The following SLC20A2 variants were observed in gnomAD, a reference collection of about 807,000 sequenced individuals.
SLC20A2 encodes the protein solute carrier family 20 member 2, also known as sodium-dependent phosphate transporter 2.
In SLC20A2, 30 loss-of-function variants were observed where a neutral mutation model predicts 61.0. That is an observed-to-expected ratio of 0.49 (90% CI 0.37 to 0.67). SLC20A2 has a LOEUF of 0.67. SLC20A2 is among the 30% of genes least tolerant of loss of function. The pLI is 0.00. For missense variants in SLC20A2, 626 were observed against 866.4 expected (o/e 0.72, Z 3.48); for synonymous variants, 351 against 353.3 (o/e 0.99, Z 0.07).
intron 5 of SLC20A2, among the ~76,000 whole-genome samples, chr8:42,457,217 C>T (rs1376360863): frequency 6.6e-6 from 1 of 151,992 alleles, no homozygotes; most frequent in Non-Finnish European, 1.5e-5. Flanking sequence ...TGTGAGCCAC[C>T]GCGCCCAGCC....
At chr8:42,475,923 G>A (rs909970977) in intron 1 of SLC20A2, among the ~76,000 whole-genome samples, 1 of 151,932 alleles carries the variant, frequency 6.6e-6, no homozygotes, top group South Asian at 2.1e-4. Context: ...ATTAAACATG[G>A]GGGTGGAGAG....
chr8:42,431,472 C>T (rs1803864813), intron 8 of SLC20A2, among the ~76,000 whole-genome samples: 1 of 152,218 alleles, frequency 6.6e-6, no homozygotes, highest in South Asian at 2.1e-4. Flanking sequence ...AAGCCATCCT[C>T]ATAGCATAAA....
chr8:42,485,434 G>C (rs1431125468), intron 1 of SLC20A2, among the ~76,000 whole-genome samples: 1 of 151,808 alleles, frequency 6.6e-6, no homozygotes, highest in Non-Finnish European at 1.5e-5. Context: ...CTGAGGTCAG[G>C]AGTTCGAGAC....
At chr8:42,443,963 C>T (rs937355061) in intron 6 of SLC20A2, among the ~76,000 whole-genome samples, 1 of 152,220 alleles carries the variant, frequency 6.6e-6, no homozygotes, top group Non-Finnish European at 1.5e-5. Context: ...GTCAGGTCCC[C>T]AGCAGTTCAT....
chr8:42,469,882 C>G (rs1232290995), intron 2 of SLC20A2, among the ~76,000 whole-genome samples: 1 of 148,350 alleles, frequency 6.7e-6, no homozygotes, highest in Non-Finnish European at 1.5e-5. Flanking sequence ...GAGCCGAGAT[C>G]ACACCACTGC....
intron 10 of SLC20A2, among the ~76,000 whole-genome samples, chr8:42,425,436 A>G (rs908751217): frequency 6.6e-6 from 1 of 152,192 alleles, no homozygotes; most frequent in Non-Finnish European, 1.5e-5. Flanking sequence ...ATATGAGAGA[A>G]TAAGTGTTAT....
intron 1 of SLC20A2, among the ~76,000 whole-genome samples, chr8:42,524,606 T>C (rs1811800483): frequency 6.6e-6 from 1 of 151,914 alleles, no homozygotes; most frequent in African/African-American, 2.4e-5. Context: ...GCCAACATGG[T>C]GAAACCCTGT....
At chr8:42,474,289 A>G (rs1206584788) in intron 1 of SLC20A2, among the ~76,000 whole-genome samples, 1 of 152,236 alleles carries the variant, frequency 6.6e-6, no homozygotes, top group Non-Finnish European at 1.5e-5. Context: ...CAAACTGTAT[A>G]CTGTGGTTAC....
chr8:42,463,160 A>G, intron 3 of SLC20A2, 70 bp from the exon 4 acceptor site: 1 of 840,598 alleles, frequency 1.2e-6, no homozygotes, highest in Non-Finnish European at 1.9e-6. Context: ...TTCATAGAAC[A>G]CAATGATAAA....
At chr8:42,451,805 G>C (rs1267934403) in intron 5 of SLC20A2, among the ~76,000 whole-genome samples, 1 of 141,732 alleles carries the variant, frequency 7.1e-6, no homozygotes, top group Non-Finnish European at 1.5e-5. Flanking sequence ...AGGAGGAAGA[G>C]ATGGAGGAGG....
chr8:42,516,786 A>T (rs1369608107), intron 1 of SLC20A2, among the ~76,000 whole-genome samples: 1 of 152,176 alleles, frequency 6.6e-6, no homozygotes, highest in Non-Finnish European at 1.5e-5. Flanking sequence ...GTCTCACCTA[A>T]ACTGTGGTTC....
At chr8:42,498,422 C>G (rs1810084956) in intron 1 of SLC20A2, among the ~76,000 whole-genome samples, 1 of 152,190 alleles carries the variant, frequency 6.6e-6, no homozygotes, top group Non-Finnish European at 1.5e-5. Flanking sequence ...CCCCACTCAT[C>G]TTGTTTCCCT....
chr8:42,424,111 C>T (rs1203733118), intron 10 of SLC20A2, among the ~76,000 whole-genome samples: 1 of 152,148 alleles, frequency 6.6e-6, no homozygotes, highest in Non-Finnish European at 1.5e-5. Flanking sequence ...AAACATTCTG[C>T]AGAATATGAC....
In SLC20A2 at chr8:42,463,086, A is replaced by G. The variant is rs1322474171; in HGVS notation, c.435T>C (p.Ala145=). The change falls in exon 4 of 11, where the codon GCT becomes GCC. Residue 145 remains alanine, a synonymous_variant. Coordinates refer to ENST00000520262, the MANE Select transcript of SLC20A2 (RefSeq NM_001257180.2). ...ACAACAGTGGAGATATAAACCAAGA[A>G]GCAACTGAATAATTAAAAAAAAAAT... ...VQWMELVKIV[A]SWFISPLLSG... 4.4e-6 allele frequency: 7 copies of G among 1,576,640 alleles called. No homozygotes were observed. Among genetic ancestry groups the G allele is most frequent in the Non-Finnish European group, 1.7e-6 (2 of 1,157,330 alleles).
chr8:42,493,235 A>AG, intron 1 of SLC20A2, among the ~76,000 whole-genome samples: 1 of 152,382 alleles, frequency 6.6e-6, no homozygotes, highest in African/African-American at 2.4e-5. Flanking sequence ...CAAGTGCCAC[A>AG]GGCACCAAAA....
At chr8:42,459,583 G>A (rs577673436) in intron 5 of SLC20A2, among the ~76,000 whole-genome samples, 24 of 152,292 alleles carry the variant, frequency 1.6e-4, no homozygotes, top group Middle Eastern at 6.8e-3. Flanking sequence ...AAGCTATAGT[G>A]GCAACACAGC....
chr8:42,531,968 GCCA>G (rs1812357651), intron 1 of SLC20A2, among the ~76,000 whole-genome samples: 1 of 148,848 alleles, frequency 6.7e-6, no homozygotes, highest in South Asian at 2.2e-4. Context: ...ACAGGTGCCT[GCCA>G]CCACGCCTGG....
intron 1 of SLC20A2, among the ~76,000 whole-genome samples, chr8:42,525,129 T>C (rs1012960918): frequency 6.6e-6 from 1 of 152,212 alleles, no homozygotes. Flanking sequence ...AAAGCAGCTC[T>C]TTAGGACTGC....
At position 42,464,090 on chromosome 8, in the gene SLC20A2, A is replaced by ATT. The variant is rs1563488008; in HGVS notation, c.431-1001_431-1000insAA. Among the ~76,000 whole-genome samples, 51 of 19,982 alleles carry ATT rather than the reference A, an allele frequency of 2.6e-3. 2 individuals carry two copies. Among genetic ancestry groups the ATT allele is most frequent in the African/African-American group, 4.6e-3 (42 of 9,100 alleles). 13.1% of individuals were successfully genotyped at this position (19,982 alleles called of 152,430 possible). ...TTCTTCCCAAAGGGCAGGCTGGATG[A>ATT]TCTTTTTTTTTTTTTTTTTTTTTTT... is the stretch of plus-strand genomic sequence containing the variant. On this transcript the variant is annotated intron_variant, in intron 3 of 10. Coordinates refer to ENST00000520262, the MANE Select transcript of SLC20A2 (RefSeq NM_001257180.2).
Sources: gnomAD v4.1 joint callset for allele counts (sites outside exome capture counted in the v4.1 genomes callset) on GRCh38, gnomAD v4.1.1 for gene constraint, MANE v1.5 for transcripts, NCBI Gene and HGNC (gene_info 2026-07-23, HGNC 2026-07-21) for gene names.